Variants in NALF1 observed in about 807,000 individuals in gnomAD.
NALF1 encodes the protein family with sequence similarity 155 member A.
In NALF1, 3 loss-of-function variants were observed where a neutral mutation model predicts 48.4. The observed-to-expected ratio is 0.06, with a 90% CI of 0.03 to 0.16. The LOEUF (loss-of-function observed/expected upper bound fraction) is 0.16. NALF1 is among the 10% of genes least tolerant of loss of function. NALF1 has a pLI of 1.00. For missense variants in NALF1, 526 were observed against 571.5 expected, an observed-to-expected ratio of 0.92 and a Z score of 0.81; for synonymous variants, 262 against 245.7, an observed-to-expected ratio of 1.07 and a Z score of -0.62.
intron 1 of NALF1, among the ~76,000 whole-genome samples, chr13:107,665,184 T>A (rs1333605618): frequency 1.3e-5 from 2 of 152,164 alleles, no homozygotes; most frequent in Non-Finnish European, 2.9e-5. Flanking sequence ...TTAGCACTGA[T>A]ATTCTGTAGA....
At chr13:107,253,173 CT>C (rs3072801) in intron 1 of NALF1, among the ~76,000 whole-genome samples, 7,451 of 146,498 alleles carry the variant, frequency 0.051, 242 homozygotes, top group African/African-American at 0.096. Flanking sequence ...GGACTTCTTT[CT>C]TTTTTTTTTT....
chr13:107,362,811 C>T lies in NALF1; in HGVS notation c.916-152056G>A, dbSNP rs1287962891. Among the ~76,000 whole-genome samples, 1 of 152,122 alleles carries T rather than the reference C, an allele frequency of 6.6e-6. No homozygotes were observed. The highest frequency in any genetic ancestry group is 2.4e-5 in the African/African-American group (1 of 41,432). On this transcript the variant is annotated intron_variant, in intron 1 of 2. Coordinates refer to ENST00000375915, the MANE Select transcript of NALF1 (RefSeq NM_001080396.3). This position sits in a 1 kb window ranked among gnomAD's most constrained non-coding sequence, Gnocchi z 4.6. ...GCATGTACCTGTCTGAGTGGGCACA[C>T]ATATGGAGCAACCAGGATGAATGTG...
At chr13:107,221,898 T>C (rs967331199) in intron 1 of NALF1, among the ~76,000 whole-genome samples, 35 of 152,206 alleles carry the variant, frequency 2.3e-4, no homozygotes, top group African/African-American at 8.0e-4. Flanking sequence ...GCAAGAAATA[T>C]CTTTTCTGGG....
intron 1 of NALF1, among the ~76,000 whole-genome samples, chr13:107,351,391 C>T (rs1566492845): frequency 2.0e-5 from 3 of 152,212 alleles, no homozygotes; most frequent in Non-Finnish European, 4.4e-5. Flanking sequence ...GCTTACGGGT[C>T]TGAGATAAGA....
intron 1 of NALF1, among the ~76,000 whole-genome samples, chr13:107,543,027 C>T (rs1877037521): frequency 6.6e-6 from 1 of 152,022 alleles, no homozygotes; most frequent in African/African-American, 2.4e-5. Flanking sequence ...TTTCTTATAT[C>T]TGTTTACTAA....
At chr13:107,532,719 C>G (rs901367059) in intron 1 of NALF1, among the ~76,000 whole-genome samples, 2 of 151,818 alleles carry the variant, frequency 1.3e-5, no homozygotes, top group African/African-American at 4.8e-5. Flanking sequence ...GTGTTTGGTC[C>G]ATTTATGTGA....
chr13:107,461,961 A>T (rs1555302570), intron 1 of NALF1, among the ~76,000 whole-genome samples: 2 of 151,536 alleles, frequency 1.3e-5, no homozygotes, highest in African/African-American at 2.5e-5. Flanking sequence ...AGACTGAGTT[A>T]AAAAAGGCAG....
chr13:107,735,279 A>C (rs148019477), intron 1 of NALF1, among the ~76,000 whole-genome samples: 3 of 152,204 alleles, frequency 2.0e-5, no homozygotes, highest in Non-Finnish European at 2.9e-5. Flanking sequence ...GGCATCCTGA[A>C]GCCAATAGCC....
intron 1 of NALF1, among the ~76,000 whole-genome samples, chr13:107,707,793 T>C (rs749317330): frequency 6.6e-6 from 1 of 152,202 alleles, no homozygotes; most frequent in Non-Finnish European, 1.5e-5. Context: ...TAAATGCATT[T>C]CACTTTTCTG....
At chr13:107,473,337 T>C (rs575953447) in intron 1 of NALF1, among the ~76,000 whole-genome samples, 34 of 152,222 alleles carry the variant, frequency 2.2e-4, no homozygotes, top group Non-Finnish European at 4.1e-4. Flanking sequence ...GTTTGCTTTG[T>C]TGACTTAGAA....
chr13:107,489,257 A>G (rs1170315363), intron 1 of NALF1, among the ~76,000 whole-genome samples: 5 of 152,156 alleles, frequency 3.3e-5, no homozygotes, highest in Non-Finnish European at 7.4e-5. Flanking sequence ...CAATGACATT[A>G]TTCACAGAAC....
At chr13:107,608,988 G>T (rs1286352343) in intron 1 of NALF1, among the ~76,000 whole-genome samples, 2 of 152,222 alleles carry the variant, frequency 1.3e-5, no homozygotes, top group Non-Finnish European at 1.5e-5. Flanking sequence ...GGAGTTCACA[G>T]TGAACAAGAT....
chr13:107,371,903 T>G (rs550703617), intron 1 of NALF1, among the ~76,000 whole-genome samples: 43 of 152,328 alleles, frequency 2.8e-4, no homozygotes, highest in African/African-American at 9.9e-4. Context: ...AAATAAAAAT[T>G]TAATCAAGCT....
intron 1 of NALF1, among the ~76,000 whole-genome samples, chr13:107,707,452 C>T (rs991414118): frequency 6.6e-6 from 1 of 152,180 alleles, no homozygotes; most frequent in African/African-American, 2.4e-5. Flanking sequence ...CTCTAGCAGA[C>T]CCCAACCCTT....
At chr13:107,604,433 C>G (rs941851643) in intron 1 of NALF1, among the ~76,000 whole-genome samples, 1 of 152,110 alleles carries the variant, frequency 6.6e-6, no homozygotes, top group African/African-American at 2.4e-5. Context: ...TGAAAATACT[C>G]AAAGCAGTGT....
At chr13:107,565,615 AT>A (rs1205565654) in intron 1 of NALF1, among the ~76,000 whole-genome samples, 2 of 152,264 alleles carry the variant, frequency 1.3e-5, no homozygotes, top group East Asian at 3.9e-4. Flanking sequence ...TCATTCTCTG[AT>A]TCTAGCAAGT....
chr13:107,343,053 T>C (rs992173223), intron 1 of NALF1, among the ~76,000 whole-genome samples: 4 of 152,138 alleles, frequency 2.6e-5, no homozygotes, highest in Admixed American at 2.6e-4. Context: ...TAAAACACTC[T>C]ACCCCATAAA....
At chr13:107,361,330 T>C (rs867451020) in intron 1 of NALF1, among the ~76,000 whole-genome samples, 31 of 152,288 alleles carry the variant, frequency 2.0e-4, no homozygotes, top group Middle Eastern at 3.4e-3. Flanking sequence ...ACAAGAAACT[T>C]GACTGGCTCA....
chr13:107,737,743 A>C (rs1244254613), intron 1 of NALF1, among the ~76,000 whole-genome samples: 1 of 152,198 alleles, frequency 6.6e-6, no homozygotes, highest in Non-Finnish European at 1.5e-5. Flanking sequence ...TCGTAGGAGC[A>C]TATCAGTTAG....
Sources: allele counts gnomAD v4.1 joint callset (sites outside exome capture counted in the v4.1 genomes callset), GRCh38; gene constraint gnomAD v4.1.1; non-coding constraint Gnocchi (gnomAD v3.1); transcripts MANE v1.5; gene names NCBI Gene and HGNC (gene_info 2026-07-23, HGNC 2026-07-21).